MANSC1: variants seen among roughly 807,000 people sequenced by gnomAD.
The protein encoded by MANSC1 is MANSC domain-containing protein 1.
In MANSC1, 13 loss-of-function variants were observed where a neutral mutation model predicts 14.1. The observed-to-expected ratio is 0.92, with a 90% CI of 0.60 to 1.46. MANSC1 has a LOEUF of 1.46. MANSC1 is among the 40% of genes most tolerant of loss of function. The pLI is 0.00. For synonymous variants in MANSC1, 227 were observed against 200.7 expected, an observed-to-expected ratio of 1.13 and a Z score of -1.11; for missense variants, 486 against 511.4, an observed-to-expected ratio of 0.95 and a Z score of 0.48.
chr12:12,345,836 G>A (rs1449633219), intron 1 of MANSC1, among the ~76,000 whole-genome samples: 1 of 152,168 alleles, frequency 6.6e-6, no homozygotes, highest in African/African-American at 2.4e-5. Flanking sequence ...GGATTCCAAA[G>A]GAAGCCAGTT....
rs1292319092 is a variant in MANSC1, at chr12:12,330,049, T to C, written c.1274A>G (p.Asn425Ser). ...KRYSRLDYLI[N>S]GIYVDI ...TCCTTAGATGTCCACATAGATCCCA[T>C]TGATCAAATAATCCAGTCTTGAGTA... Residue 425 changes from asparagine to serine, a missense_variant, in exon 4 of 4, where the codon AAT (asparagine) becomes AGT (serine). Transcript: ENST00000535902. The C allele has an allele frequency of 3.7e-6, 6 of 1,614,116 alleles. No individual in the cohort carries two copies. Among genetic ancestry groups the C allele is most frequent in the East Asian group, 2.2e-5 (1 of 44,880 alleles).
Position 12,329,777 on chromosome 12 carries a change from A to G in MANSC1, c.*250T>C. ...CACATGCCTGTAATCCCAGATACTT[A>G]GGAGGCTGAGGCAGGAGAATCGCTT... On this transcript the variant is annotated 3_prime_UTR_variant, in exon 4 of 4. Coordinates refer to ENST00000535902, the MANE Select transcript of MANSC1 (RefSeq NM_018050.4). 2.4e-6 allele frequency: 1 copy of G among 412,586 alleles called. No homozygotes were observed. Among genetic ancestry groups the G allele is most frequent in the South Asian group, 3.6e-5 (1 of 27,786 alleles). The allele number at this position is 412,586 out of a possible 1,614,324, so 25.6% of individuals were successfully genotyped here. A position where few individuals can be genotyped will look rare whatever the true frequency, so the allele number is the denominator to read the frequency against.
intron 1 of MANSC1, among the ~76,000 whole-genome samples, chr12:12,348,732 A>C (rs75065612): frequency 1.3e-5 from 2 of 150,634 alleles, no homozygotes; most frequent in Non-Finnish European, 3.0e-5. Context: ...AAAAAAAAAA[A>C]CCCAGAAACA....
rs1037479347 is a variant in MANSC1, at chr12:12,330,745, G to A, written c.578C>T (p.Ala193Val). The part of the protein sequence containing the change: ...EKLFKMDEAS[A>V]QLLAYKEKGH... ...TTTTTCCTTATAAGCAAGGAGCTGG[G>A]CACTTGCTTCATCCATCTTAAATAG... The change falls in exon 4 of 4, where the codon GCC becomes GTC. Residue 193 changes from alanine (A) to valine (V), a missense_variant. Ala to Val is a moderately conservative substitution (Grantham distance 64). Transcript: ENST00000535902. The A allele has an allele frequency of 9.3e-6, 15 of 1,613,812 alleles. No individual in the cohort carries two copies. Among genetic ancestry groups the A allele is most frequent in the Non-Finnish European group, 1.3e-5 (15 of 1,179,794 alleles).
At chr12:12,337,710 A>T (rs919057734) in intron 3 of MANSC1, among the ~76,000 whole-genome samples, 1 of 152,246 alleles carries the variant, frequency 6.6e-6, no homozygotes, top group Non-Finnish European at 1.5e-5. Context: ...TAATCTCAAA[A>T]AAAAGAAAAA....
At chr12:12,349,221 A>G (rs1863046515) in intron 1 of MANSC1, among the ~76,000 whole-genome samples, 1 of 151,900 alleles carries the variant, frequency 6.6e-6, no homozygotes, top group African/African-American at 2.4e-5. Context: ...CTTATCGTGG[A>G]CTCCCCAGGT....
At chr12:12,347,087 G>A (rs1326590853) in intron 1 of MANSC1, among the ~76,000 whole-genome samples, 1 of 152,084 alleles carries the variant, frequency 6.6e-6, no homozygotes, top group African/African-American at 2.4e-5. Context: ...CGGCGTTGTG[G>A]GGGTATGGTT....
chr12:12,342,697 G>A lies in MANSC1; in HGVS notation c.223+395C>T, dbSNP rs976635949. ...AAAGATCAAATGCTGATTTTCCCAA[G>A]AGATAAGAATTCTATTTTTTGTCTC... On this transcript the variant is annotated intron_variant, in intron 2 of 3. Coordinates refer to ENST00000535902, the MANE Select transcript of MANSC1 (RefSeq NM_018050.4). Among the ~76,000 whole-genome samples, 8 of 147,358 alleles carry A rather than the reference G, an allele frequency of 5.4e-5. No individual in the cohort carries two copies. In the East Asian group the frequency reaches 1.6e-3, roughly 30 times the overall value.
intron 3 of MANSC1, among the ~76,000 whole-genome samples, chr12:12,335,603 T>C (rs1344729036): frequency 6.7e-6 from 1 of 150,224 alleles, no homozygotes; most frequent in Non-Finnish European, 1.5e-5. Flanking sequence ...CCTCCCAAAG[T>C]GCTGGGATTA....
chr12:12,341,502 G>A (rs7295350), intron 2 of MANSC1, among the ~76,000 whole-genome samples: 12,714 of 152,214 alleles, frequency 0.084, 1,237 homozygotes, highest in East Asian at 0.34. Context: ...CTGAGGTGAA[G>A]CCTCACTAGC....
At chr12:12,337,421 C>T (rs1488310758) in intron 3 of MANSC1, among the ~76,000 whole-genome samples, 3 of 152,140 alleles carry the variant, frequency 2.0e-5, no homozygotes, top group East Asian at 3.9e-4. Flanking sequence ...ATTAGCCGGG[C>T]GTGGTGGCGG....
intron 3 of MANSC1, among the ~76,000 whole-genome samples, chr12:12,331,285 C>T (rs1478101026): frequency 6.6e-6 from 1 of 152,202 alleles, no homozygotes; most frequent in Non-Finnish European, 1.5e-5. Flanking sequence ...GCCTCTCTAC[C>T]AGATGCTGTG....
In MANSC1 at chr12:12,330,025, C is replaced by T; in HGVS notation, c.*2G>A. ...TGAATTAAGAGACACCGAGTTCCATCCTTAGATGTCCACATAGATCCCATT... is the reference window on the plus strand; with the variant it reads ...TGAATTAAGAGACACCGAGTTCCATTCTTAGATGTCCACATAGATCCCATT... On this transcript the variant is annotated 3_prime_UTR_variant, in exon 4 of 4. Transcript: ENST00000535902. The T allele has an allele frequency of 1.2e-6, 2 of 1,611,538 alleles. No homozygotes were observed. The highest frequency in any genetic ancestry group is 1.7e-6 in the Non-Finnish European group (2 of 1,178,492).
chr12:12,330,727 T>C lies in MANSC1; in HGVS notation c.596A>G (p.Lys199Arg). 1 of 1,614,234 alleles carries C rather than the reference T, an allele frequency of 6.2e-7. No homozygotes were observed. Among genetic ancestry groups the C allele is most frequent in the Non-Finnish European group, 8.5e-7 (1 of 1,180,044 alleles). Reference protein sequence around the residue: ...DEASAQLLAYKEKGHSQSSQF... With the variant: ...DEASAQLLAYREKGHSQSSQF... ...TGAACTCTGAGAATGGCCTTTTTCC[T>C]TATAAGCAAGGAGCTGGGCACTTGC... The change falls in exon 4 of 4, where the codon AAG becomes AGG. Residue 199 changes from lysine (K) to arginine (R), a missense_variant. Lys to Arg is a conservative substitution (Grantham distance 26). Transcript: ENST00000535902.
Position 12,339,450 on chromosome 12 carries a change from T to C in MANSC1, c.224-890A>G, listed in dbSNP as rs115285357. ...CTCGGATTTTTTTTGGTATTTTTTG[T>C]AGAGATGGAGTCTCTCTATATTGCC... On this transcript the variant is annotated intron_variant, in intron 2 of 3. Coordinates refer to ENST00000535902, the MANE Select transcript of MANSC1 (RefSeq NM_018050.4). 2.2e-3 allele frequency among the ~76,000 whole-genome samples: 334 copies of C among 152,150 alleles called. 1 individual carries two copies. The Middle Eastern group carries it at 0.027, about 12-fold the overall frequency.
chr12:12,338,890 A>AACACACACACACACACACACACAC lies in MANSC1; in HGVS notation c.224-354_224-331dup, dbSNP rs56183211. ...AGGCATCCACAACCACACACACACA[A>AACACACACACACACACACACACAC]ACACACACACACACACACACACACA... On this transcript the variant is annotated intron_variant, in intron 2 of 3. Coordinates refer to ENST00000535902, the MANE Select transcript of MANSC1 (RefSeq NM_018050.4). The AACACACACACACACACACACACAC allele has an allele frequency of 3.6e-4, 70 of 193,010 alleles. 1 individual carries two copies. The highest frequency in any genetic ancestry group is 3.0e-3 in the East Asian group (18 of 5,926). The allele number at this position is 193,010 out of a possible 1,614,324, so 12.0% of individuals were successfully genotyped here. A position where few individuals can be genotyped will look rare whatever the true frequency, so the allele number is the denominator to read the frequency against.
chr12:12,342,329 G>A (rs1378644837), intron 2 of MANSC1, among the ~76,000 whole-genome samples: 5 of 152,208 alleles, frequency 3.3e-5, no homozygotes, highest in Admixed American at 1.3e-4. Flanking sequence ...AAAGTGTTAA[G>A]TACTCAAGAA....
chr12:12,348,801 C>T (rs1293466262), intron 1 of MANSC1, among the ~76,000 whole-genome samples: 1 of 150,744 alleles, frequency 6.6e-6, no homozygotes, highest in Non-Finnish European at 1.5e-5. Context: ...TGTCAAAATT[C>T]TGTATACAGT....
intron 3 of MANSC1, among the ~76,000 whole-genome samples, chr12:12,337,652 C>T (rs1040354938): frequency 6.6e-6 from 1 of 152,144 alleles, no homozygotes; most frequent in African/African-American, 2.4e-5. Context: ...GAAGGGTCCA[C>T]AGAATTACCT....
Sources: allele counts gnomAD v4.1 joint callset (sites outside exome capture counted in the v4.1 genomes callset), GRCh38; gene constraint gnomAD v4.1.1; transcripts MANE v1.5; gene names NCBI Gene and HGNC (gene_info 2026-07-23, HGNC 2026-07-21).